Variants in PTPRZ1 observed in about 807,000 individuals in gnomAD.
The protein encoded by PTPRZ1 is receptor-type tyrosine-protein phosphatase zeta.
In PTPRZ1, 82 loss-of-function variants were observed where a neutral mutation model predicts 214.1. The ratio of observed to expected loss-of-function variants is 0.38; its 90% confidence interval spans 0.32 to 0.46. PTPRZ1 has a LOEUF of 0.46. Ranked by LOEUF, PTPRZ1 falls within the 20% of genes least tolerant of loss-of-function variation. The pLI, the probability that PTPRZ1 is intolerant of heterozygous loss-of-function variation, is 1.00. For missense variants in PTPRZ1, 2,603 were observed against 2,748.7 expected, an observed-to-expected ratio of 0.95 and a Z score of 1.19; for synonymous variants, 945 against 987.9, an observed-to-expected ratio of 0.96 and a Z score of 0.81.
chr7:121,877,175 A>G (rs544857262), intron 1 of PTPRZ1, among the ~76,000 whole-genome samples: 1 of 152,270 alleles, frequency 6.6e-6, no homozygotes, highest in Admixed American at 6.5e-5. Context: ...AAACCCTTTG[A>G]TATTGGTGTT....
Position 122,012,236 on chromosome 7 carries a change from T to C in PTPRZ1, c.3190T>C (p.Tyr1064His), listed in dbSNP as rs762571078. 30 of 1,613,944 alleles carry C rather than the reference T, an allele frequency of 1.9e-5. No individual in the cohort carries two copies. Among genetic ancestry groups the C allele is most frequent in the Non-Finnish European group, 2.5e-5 (29 of 1,179,906 alleles). Residue 1064 changes from tyrosine to histidine, a missense_variant, in exon 12 of 30, where the codon TAC (tyrosine) becomes CAC (histidine). Transcript: ENST00000393386. ...LQIPSFNEMV[Y>H]PSESTVMPNM... The stretch of plus-strand genomic sequence containing the variant: ...AATTCCTTCTTTCAATGAGATGGTT[T>C]ACCCTTCTGAAAGCACAGTCATGCC...
At chr7:121,889,519 ATAAGT>A (rs1049675168) in intron 1 of PTPRZ1, among the ~76,000 whole-genome samples, 10 of 152,194 alleles carry the variant, frequency 6.6e-5, no homozygotes, top group Non-Finnish European at 1.5e-4. Flanking sequence ...TTAGCATATG[ATAAGT>A]TAATCAGCAA....
chr7:122,042,953 C>T (rs376308129), intron 22 of PTPRZ1, among the ~76,000 whole-genome samples: 20 of 152,172 alleles, frequency 1.3e-4, no homozygotes, highest in African/African-American at 4.8e-4. Flanking sequence ...CTTTCATCTC[C>T]TGGTAGCCCC....
At chr7:121,982,384 G>T (rs547458135) in intron 6 of PTPRZ1, among the ~76,000 whole-genome samples, 1 of 152,006 alleles carries the variant, frequency 6.6e-6, no homozygotes, top group African/African-American at 2.4e-5. Context: ...GATTTTTATT[G>T]AGATTTTAGA....
At chr7:122,041,872 C>A (rs1465231534) in intron 21 of PTPRZ1, among the ~76,000 whole-genome samples, 2 of 152,166 alleles carry the variant, frequency 1.3e-5, no homozygotes, top group Non-Finnish European at 2.9e-5. Context: ...CTGAGGAAAA[C>A]AGGAAGATGC....
At chr7:121,925,457 A>G (rs1414239221) in intron 1 of PTPRZ1, among the ~76,000 whole-genome samples, 1 of 152,256 alleles carries the variant, frequency 6.6e-6, no homozygotes, top group African/African-American at 2.4e-5. Context: ...ATTAGAAACA[A>G]CACAAGTGTC....
intron 23 of PTPRZ1, among the ~76,000 whole-genome samples, chr7:122,048,632 CAAAGAAATGAAAACTAA>C (rs1395355306): frequency 1.3e-5 from 2 of 151,482 alleles, no homozygotes; most frequent in East Asian, 3.9e-4. Flanking sequence ...TTTATGTACC[CAAAGAAATGAAAACTAA>C]AAAGAATTTT....
chr7:122,002,201 T>G (rs556696578), intron 10 of PTPRZ1, among the ~76,000 whole-genome samples: 1 of 152,346 alleles, frequency 6.6e-6, no homozygotes, highest in South Asian at 2.1e-4. Context: ...GACTTCTGGA[T>G]TCTAAGAAAT....
intron 10 of PTPRZ1, 33 bp from the exon 11 acceptor site, chr7:122,004,581 A>G: frequency 8.4e-7 from 1 of 1,192,424 alleles, no homozygotes; most frequent in Non-Finnish European, 1.2e-6. Flanking sequence ...TAGTTGAATA[A>G]AAACTTTAAT....
chr7:122,013,207 A>G lies in PTPRZ1; in HGVS notation c.4161A>G (p.Val1387=). ...TTTCTCCCCACAGAGATGGTTCTGT[A>G]ACCTCAACAAAGTTGCTGTTTCCTT... is the stretch of plus-strand genomic sequence containing the variant. ...TAVSPHRDGS[V]TSTKLLFPSK... The change falls in exon 12 of 30, where the codon GTA becomes GTG. Residue 1387 remains valine, a synonymous_variant. Coordinates refer to ENST00000393386, the MANE Select transcript of PTPRZ1 (RefSeq NM_002851.3). 1.9e-6 allele frequency: 3 copies of G among 1,614,184 alleles called. No homozygotes were observed. Among genetic ancestry groups the G allele is most frequent in the Non-Finnish European group, 2.5e-6 (3 of 1,180,034 alleles).
chr7:121,897,509 A>G (rs1794822707), intron 1 of PTPRZ1, among the ~76,000 whole-genome samples: 1 of 152,126 alleles, frequency 6.6e-6, no homozygotes, highest in South Asian at 2.1e-4. Context: ...CTTGTTTTAT[A>G]CATTCCTCTA....
At chr7:121,925,912 C>G (rs941380661) in intron 1 of PTPRZ1, among the ~76,000 whole-genome samples, 2 of 152,162 alleles carry the variant, frequency 1.3e-5, no homozygotes, top group African/African-American at 4.8e-5. Flanking sequence ...TTGTTGATTA[C>G]TTTTCAAAGA....
chr7:122,056,505 T>C (rs1792352403), intron 27 of PTPRZ1, among the ~76,000 whole-genome samples: 1 of 151,876 alleles, frequency 6.6e-6, no homozygotes, highest in Non-Finnish European at 1.5e-5. Flanking sequence ...CAGACATTTT[T>C]AGGCACTTTA....
chr7:122,005,395 G>A (rs1011351856), intron 11 of PTPRZ1, among the ~76,000 whole-genome samples: 6 of 151,884 alleles, frequency 4.0e-5, no homozygotes, highest in Admixed American at 6.6e-5. Context: ...ATGTGTACAT[G>A]TGTATAGATT....
At chr7:121,950,899 A>G (rs1174806812) in intron 2 of PTPRZ1, among the ~76,000 whole-genome samples, 1 of 152,200 alleles carries the variant, frequency 6.6e-6, no homozygotes, top group South Asian at 2.1e-4. Flanking sequence ...TAGAAACAGA[A>G]CGTATTTGTG....
At chr7:121,959,685 A>T (rs1796818829) in intron 2 of PTPRZ1, among the ~76,000 whole-genome samples, 1 of 152,204 alleles carries the variant, frequency 6.6e-6, no homozygotes, top group South Asian at 2.1e-4. Flanking sequence ...TGTCTTCTTA[A>T]GTATATCATC....
intron 1 of PTPRZ1, among the ~76,000 whole-genome samples, chr7:121,887,010 G>A (rs577140701): frequency 2.0e-5 from 3 of 151,962 alleles, no homozygotes; most frequent in East Asian, 1.9e-4. Flanking sequence ...TCTTTTCCTC[G>A]TCTTGGGGTG....
Position 121,900,987 on chromosome 7 carries a change from T to C in PTPRZ1, c.59-27169T>C, listed in dbSNP as rs965951942. On this transcript the variant is annotated intron_variant, in intron 1 of 29. Coordinates refer to ENST00000393386, the MANE Select transcript of PTPRZ1 (RefSeq NM_002851.3). ...AATGAAATAAGGCATAGGGAGGTCA[T>C]ATAACTTGTTCAATATCATGTAGCT... Among the ~76,000 whole-genome samples the C allele has an allele frequency of 3.9e-5, 6 of 152,190 alleles. No homozygotes were observed. In the South Asian group the frequency reaches 1.2e-3, roughly 31 times the overall value.
chr7:122,024,241 A>G (rs1321402679), intron 13 of PTPRZ1, among the ~76,000 whole-genome samples: 1 of 151,840 alleles, frequency 6.6e-6, no homozygotes, highest in Non-Finnish European at 1.5e-5. Context: ...GATTTTCAAA[A>G]GTTTTTTTTT....
Sources: allele counts gnomAD v4.1 joint callset (sites outside exome capture counted in the v4.1 genomes callset), GRCh38; gene constraint gnomAD v4.1.1; transcripts MANE v1.5; gene names NCBI Gene and HGNC (gene_info 2026-07-23, HGNC 2026-07-21).